Variants in GALNT13 observed in about 807,000 individuals in gnomAD.
The protein encoded by GALNT13 is polypeptide N-acetylgalactosaminyltransferase 13, also known as UDP-GalNAc:polypeptide N-acetylgalactosaminyltransferase 13.
A neutral mutation model predicts 64.2 loss-of-function variants in GALNT13; 28 were observed. That is an observed-to-expected ratio of 0.44 (90% confidence interval 0.32 to 0.60). GALNT13 has a LOEUF of 0.60. Ranked by LOEUF, GALNT13 falls within the 20% of genes least tolerant of loss-of-function variation. The pLI is 0.05. For missense variants in GALNT13, 577 were observed against 669.8 expected (o/e 0.86, Z 1.53); for synonymous variants, 214 against 224.6 (o/e 0.95, Z 0.42).
chr2:154,294,785 C>T (rs1373301293), intron 8 of GALNT13, among the ~76,000 whole-genome samples: 3 of 152,182 alleles, frequency 2.0e-5, no homozygotes, highest in Non-Finnish European at 4.4e-5. Flanking sequence ...GGAGGCAGGG[C>T]ACTTAGCAAG....
At chr2:153,897,307 T>C (rs960142668) in intron 1 of GALNT13, among the ~76,000 whole-genome samples, 1 of 152,152 alleles carries the variant, frequency 6.6e-6, no homozygotes, top group Non-Finnish European at 1.5e-5. Context: ...GTCTAATTAC[T>C]TGGTCATTAT....
the GALNT13 span, among the ~76,000 whole-genome samples, chr2:153,508,934 A>G: frequency 6.6e-6 from 1 of 152,112 alleles, no homozygotes; most frequent in African/African-American, 2.4e-5. Flanking sequence ...TCTTCCTCTG[A>G]GCCGTTAGCC....
chr2:153,335,229 G>GA, the GALNT13 span, among the ~76,000 whole-genome samples: 1 of 152,130 alleles, frequency 6.6e-6, no homozygotes, highest in African/African-American at 2.4e-5. Flanking sequence ...ACAGTAAGTT[G>GA]GTATCAGTAG....
At chr2:153,704,030 A>T in the GALNT13 span, among the ~76,000 whole-genome samples, 6 of 152,134 alleles carry the variant, frequency 3.9e-5, no homozygotes, top group East Asian at 3.8e-4. Flanking sequence ...CAAATGTTTT[A>T]TTATATTTTT....
the GALNT13 span, among the ~76,000 whole-genome samples, chr2:153,705,100 T>C: frequency 6.6e-6 from 1 of 152,212 alleles, no homozygotes; most frequent in Non-Finnish European, 1.5e-5. Flanking sequence ...TGTGTATAGA[T>C]TTAACAGCAG....
At chr2:153,377,403 G>T in the GALNT13 span, among the ~76,000 whole-genome samples, 1 of 152,068 alleles carries the variant, frequency 6.6e-6, no homozygotes, top group African/African-American at 2.4e-5. Context: ...TGGTGCTAGG[G>T]GGTGGGGCCT....
chr2:153,858,039 C>A, the GALNT13 span, among the ~76,000 whole-genome samples: 1 of 152,074 alleles, frequency 6.6e-6, no homozygotes, highest in South Asian at 2.1e-4. Flanking sequence ...TAAGTAAAAT[C>A]TATAGGAGGT....
chr2:153,604,806 A>G, the GALNT13 span, among the ~76,000 whole-genome samples: 1 of 152,098 alleles, frequency 6.6e-6, no homozygotes, highest in Non-Finnish European at 1.5e-5. Context: ...TATTTACATA[A>G]AGGAATACCT....
At chr2:153,453,489 T>C in the GALNT13 span, among the ~76,000 whole-genome samples, 5 of 152,074 alleles carry the variant, frequency 3.3e-5, no homozygotes, top group African/African-American at 1.2e-4. Context: ...AAAGAAGACA[T>C]ATGAGCAGCC....
rs140898103 is a variant in GALNT13 at position 154,080,046 on chromosome 2, T to C, written c.143-60291T>C. ...CCCTTTGTTTTCTAAAGGGCTTTTT[T>C]GTTGAATTTTAAAGGAAGTTTAGAT... On this transcript the variant is annotated intron_variant, in intron 3 of 12. Coordinates refer to ENST00000392825, the MANE Select transcript of GALNT13 (RefSeq NM_052917.4). Among the ~76,000 whole-genome samples, 966 of 151,808 alleles carry C rather than the reference T, an allele frequency of 6.4e-3. 10 individuals are homozygous for C. The highest frequency in any genetic ancestry group is 0.021 in the African/African-American group (884 of 41,486).
the GALNT13 span, among the ~76,000 whole-genome samples, chr2:153,735,692 C>T: frequency 3.3e-5 from 5 of 152,148 alleles, no homozygotes; most frequent in African/African-American, 1.2e-4. Flanking sequence ...TATTCCCAGT[C>T]CTCATTGACA....
the GALNT13 span, among the ~76,000 whole-genome samples, chr2:153,121,462 C>T: frequency 0.15 from 22,531 of 152,128 alleles, 1,807 homozygotes; most frequent in Middle Eastern, 0.21. Flanking sequence ...TCCCATTCTC[C>T]TCAATTAACT....
the GALNT13 span, among the ~76,000 whole-genome samples, chr2:153,568,335 A>C: frequency 2.0e-5 from 3 of 152,224 alleles, no homozygotes; most frequent in South Asian, 2.1e-4. Flanking sequence ...CTCTCATGTC[A>C]GCCTCCCAAA....
chr2:153,683,407 A>T, the GALNT13 span, among the ~76,000 whole-genome samples: 13 of 144,282 alleles, frequency 9.0e-5, no homozygotes, highest in South Asian at 2.9e-3. Context: ...ATTTTTTTAT[A>T]AAAAATTGTG....
intron 9 of GALNT13, among the ~76,000 whole-genome samples, chr2:154,350,640 G>A (rs966572829): frequency 6.6e-6 from 1 of 152,116 alleles, no homozygotes; most frequent in Non-Finnish European, 1.5e-5. Context: ...TCACTTTCCT[G>A]TATATATCTA....
At chr2:153,194,704 T>G in the GALNT13 span, among the ~76,000 whole-genome samples, 27 of 152,236 alleles carry the variant, frequency 1.8e-4, no homozygotes, top group Admixed American at 1.8e-3. Flanking sequence ...TAACACTCAC[T>G]TCTAATTTTG....
the GALNT13 span, among the ~76,000 whole-genome samples, chr2:153,137,306 G>T: frequency 6.6e-6 from 1 of 151,950 alleles, no homozygotes; most frequent in Non-Finnish European, 1.5e-5. Flanking sequence ...CCCAGCTATG[G>T]GTTTGACAGA....
chr2:153,714,404 G>A, the GALNT13 span, among the ~76,000 whole-genome samples: 84 of 152,084 alleles, frequency 5.5e-4, no homozygotes, highest in Non-Finnish European at 1.0e-3. Context: ...TTTTAATAAA[G>A]TCTACCTTTT....
chr2:154,137,123 T>G (rs1255682705), intron 3 of GALNT13, among the ~76,000 whole-genome samples: 1 of 149,784 alleles, frequency 6.7e-6, no homozygotes, highest in Admixed American at 6.6e-5. Context: ...CTGCTTATTC[T>G]TTCCCATTTG....
Sources: gnomAD v4.1 joint callset for allele counts (sites outside exome capture counted in the v4.1 genomes callset) on GRCh38, gnomAD v4.1.1 for gene constraint, MANE v1.5 for transcripts, NCBI Gene and HGNC (gene_info 2026-07-23, HGNC 2026-07-21) for gene names.